TTC6: variants seen among roughly 807,000 people sequenced by gnomAD.
TTC6 encodes the protein tetratricopeptide repeat domain 6, also known as tetratricopeptide repeat protein 6.
In TTC6, 172 loss-of-function variants were observed where a neutral mutation model predicts 210.4. The ratio of observed to expected loss-of-function variants is 0.82; its 90% CI spans 0.72 to 0.93. The LOEUF (loss-of-function observed/expected upper bound fraction) is 0.93, where lower values mean the gene tolerates loss of function less well. Ranked by LOEUF, TTC6 falls within the 40% of genes least tolerant of loss-of-function variation. The pLI is 0.00. For missense variants in TTC6, 2,414 were observed against 2,318.1 expected, an observed-to-expected ratio of 1.04 and a Z score of -0.85; for synonymous variants, 804 against 819.6, an observed-to-expected ratio of 0.98 and a Z score of 0.32.
chr14:37,836,997 G>T (rs2096199369), intron 29 of TTC6, among the ~76,000 whole-genome samples: 1 of 152,122 alleles, frequency 6.6e-6, no homozygotes, highest in Admixed American at 6.5e-5. Context: ...AACTGGATCT[G>T]CTTTTTAATT....
intron 27 of TTC6, among the ~76,000 whole-genome samples, 158 bp from the exon 30 acceptor site, chr14:37,826,037 A>G (rs574682639): frequency 3.9e-5 from 6 of 152,252 alleles, no homozygotes; most frequent in East Asian, 3.9e-4. Context: ...CAGCCACAGT[A>G]TGCATTCAGT....
In TTC6 at chr14:37,781,217, A is replaced by G. The variant is rs575196815; in HGVS notation, c.3267-6251A>G. On this transcript the variant is annotated intron_variant, in intron 14 of 30. Transcript: ENST00000553443. ...AGGAATTGCCACACTGTCTTCCACA[A>G]TGGTTGAACTAATTTACACTCCCAC... Among the ~76,000 whole-genome samples, 7 of 152,300 alleles carry G rather than the reference A, an allele frequency of 4.6e-5. No homozygotes were observed. The East Asian group carries it at 5.8e-4, about 13-fold the overall frequency.
intron 20 of TTC6, among the ~76,000 whole-genome samples, chr14:37,803,339 T>A (rs1051338799): frequency 6.6e-6 from 1 of 152,150 alleles, no homozygotes; most frequent in Non-Finnish European, 1.5e-5. Flanking sequence ...GTTAAAAAAA[T>A]TTTTTTGAAT....
intron 17 of TTC6, among the ~76,000 whole-genome samples, chr14:37,794,606 A>G (rs573226101): frequency 4.6e-5 from 7 of 150,968 alleles, no homozygotes; most frequent in African/African-American, 1.7e-4. Flanking sequence ...TTACTTTTTC[A>G]TCATTTTTTT....
In TTC6 at chr14:37,737,751, G is replaced by T. The variant is rs145646352; in HGVS notation, c.1983+17G>T. 7.5e-5 allele frequency: 103 copies of T among 1,376,944 alleles called. No homozygotes were observed. In the African/African-American group the frequency reaches 1.1e-3, roughly 15 times the overall value. The allele number at this position is 1,376,944 out of a possible 1,614,324, so 85.3% of individuals were successfully genotyped here. A position where few individuals can be genotyped will look rare whatever the true frequency, so the allele number is the denominator to read the frequency against. On this transcript the variant is annotated intron_variant, in intron 9 of 30. Coordinates refer to ENST00000553443, the Ensembl canonical transcript of TTC6. ...CAACTAAGGGTATTATAATTTTACA[G>T]TTTTTACTCTCTAAAAGAAACATTT...
At chr14:37,748,305 A>G (rs773678573) in intron 10 of TTC6, among the ~76,000 whole-genome samples, 2 of 152,138 alleles carry the variant, frequency 1.3e-5, no homozygotes, top group African/African-American at 2.4e-5. Context: ...TGATAGGGTA[A>G]CTTTTTCTTA....
intron 1 of TTC6, among the ~76,000 whole-genome samples, chr14:37,641,887 G>A (rs2095692503): frequency 6.6e-6 from 1 of 152,174 alleles, no homozygotes; most frequent in African/African-American, 2.4e-5. Flanking sequence ...AGTGAGGAAA[G>A]TGACTTTTGC....
In TTC6 at chr14:37,761,905, C is replaced by T. The variant is rs536857361; in HGVS notation, c.3266+8670C>T. The stretch of plus-strand genomic sequence containing the variant: ...ATTGAATTGAGCTTATTAACATATC[C>T]GTCACCTCAAATACTTACCATTTTT... On this transcript the variant is annotated intron_variant, in intron 14 of 30. Transcript: ENST00000553443. Among the ~76,000 whole-genome samples the T allele has an allele frequency of 3.1e-4, 47 of 152,152 alleles. 1 individual carries two copies. The highest frequency in any genetic ancestry group is 9.6e-4 in the African/African-American group (40 of 41,528).
chr14:37,676,069 A>G (rs1330756680), intron 1 of TTC6, among the ~76,000 whole-genome samples: 1 of 152,058 alleles, frequency 6.6e-6, no homozygotes, highest in Non-Finnish European at 1.5e-5. Context: ...CTTTCAAAGG[A>G]AAGAGTACTA....
intron 1 of TTC6, among the ~76,000 whole-genome samples, chr14:37,632,683 G>A (rs2095672158): frequency 6.6e-6 from 1 of 152,228 alleles, no homozygotes; most frequent in Admixed American, 6.5e-5. Context: ...GAGCCAGCAG[G>A]AAGGAAGGTT....
intron 10 of TTC6, among the ~76,000 whole-genome samples, chr14:37,741,967 C>A (rs1228861037): frequency 2.6e-5 from 4 of 152,154 alleles, no homozygotes; most frequent in African/African-American, 4.8e-5. Flanking sequence ...GTAGAGGAGA[C>A]CTTCCTCAGT....
At chr14:37,649,962 C>G (rs544131993) in intron 1 of TTC6, among the ~76,000 whole-genome samples, 1 of 152,334 alleles carries the variant, frequency 6.6e-6, no homozygotes, top group Admixed American at 6.5e-5. Flanking sequence ...ATCGTAACTG[C>G]TATCCTTAAC....
chr14:37,679,907 C>T lies in TTC6; in HGVS notation c.940-244C>T, dbSNP rs570641850. Among the ~76,000 whole-genome samples the T allele has an allele frequency of 5.5e-4, 83 of 152,152 alleles. No homozygotes were observed. The East Asian group carries it at 0.013, about 24-fold the overall frequency. ...GTTTCACTATGTTGGTCAGGCTCAT[C>T]TCAAATTCTTGACCTCAGGTGATCC... On this transcript the variant is annotated intron_variant, in intron 1 of 30. Transcript: ENST00000553443.
At chr14:37,840,789 G>A (rs2096208186) in intron 29 of TTC6, among the ~76,000 whole-genome samples, 1 of 152,000 alleles carries the variant, frequency 6.6e-6, no homozygotes, top group African/African-American at 2.4e-5. Flanking sequence ...TGTTGTTGTG[G>A]CCTTCTTTTC....
At position 37,653,768 on chromosome 14, in the gene TTC6, G is replaced by A. The variant is rs549893763; in HGVS notation, c.940-26383G>A. Among the ~76,000 whole-genome samples, 18 of 152,174 alleles carry A rather than the reference G, an allele frequency of 1.2e-4. No homozygotes were observed. In the South Asian group the frequency reaches 2.5e-3, roughly 21 times the overall value. On this transcript the variant is annotated intron_variant, in intron 1 of 30. Transcript: ENST00000553443. ...TAGTTACATTTCTTAGAGAGTTGTT[G>A]ATAAAATAATAAGAAAATATTTACA...
intron 1 of TTC6, among the ~76,000 whole-genome samples, chr14:37,650,169 A>T (rs1358842744): frequency 6.6e-6 from 1 of 152,166 alleles, no homozygotes; most frequent in East Asian, 1.9e-4. Context: ...GTGCCCCGGC[A>T]GAGGCGCTAA....
At chr14:37,681,019 G>T (rs967746078) in intron 2 of TTC6, among the ~76,000 whole-genome samples, 1 of 152,076 alleles carries the variant, frequency 6.6e-6, no homozygotes, top group Non-Finnish European at 1.5e-5. Context: ...ACCACAAATG[G>T]TAGAACTACT....
chr14:37,729,203 C>T (rs1283565968), intron 7 of TTC6, among the ~76,000 whole-genome samples: 1 of 152,026 alleles, frequency 6.6e-6, no homozygotes, highest in Non-Finnish European at 1.5e-5. Context: ...TGCAGTCTAA[C>T]CTTTTCATTT....
intron 3 of TTC6, among the ~76,000 whole-genome samples, chr14:37,690,512 A>G (rs972185248): frequency 8.5e-5 from 13 of 152,126 alleles, no homozygotes; most frequent in Non-Finnish European, 1.9e-4. Flanking sequence ...ACACACATAG[A>G]CTGAAAATAC....
Sources: gnomAD v4.1 joint callset for allele counts (sites outside exome capture counted in the v4.1 genomes callset) on GRCh38, gnomAD v4.1.1 for gene constraint, MANE v1.5 for transcripts, NCBI Gene and HGNC (gene_info 2026-07-23, HGNC 2026-07-21) for gene names.